Variants in EDDM13 observed in about 807,000 individuals in gnomAD.
EDDM13 encodes epididymal protein 13.
EDDM13 carries 24 observed loss-of-function variants against 17.8 expected under a neutral mutation model. The observed-to-expected ratio is 1.35, with a 90% CI of 0.98 to 1.90. The LOEUF is 1.90. Among genes scored for constraint, EDDM13 ranks in the 40% most tolerant of loss-of-function variants. The pLI, the probability that EDDM13 is intolerant of heterozygous loss-of-function variation, is 0.00. For missense variants in EDDM13, 97 were observed against 100.8 expected (o/e 0.96, Z 0.16); for synonymous variants, 31 against 37.5 (o/e 0.83, Z 0.63).
intron 13 of EDDM13, 63 bp downstream of exon 13, chr19:56,302,158 G>A: frequency 6.8e-6 from 8 of 1,181,178 alleles, no homozygotes; most frequent in South Asian, 4.3e-5. Flanking sequence ...GAGGGAAGTG[G>A]GGGCACAGAG....
chr19:56,297,108 A>T (rs531736879), intron 11 of EDDM13, among the ~76,000 whole-genome samples: 1 of 152,068 alleles, frequency 6.6e-6, no homozygotes, highest in African/African-American at 2.4e-5. Flanking sequence ...AGGGAACATG[A>T]CATGTGAGCA....
At chr19:56,297,000 C>T (rs2039917659) in intron 11 of EDDM13, among the ~76,000 whole-genome samples, 1 of 151,830 alleles carries the variant, frequency 6.6e-6, no homozygotes, top group Non-Finnish European at 1.5e-5. Flanking sequence ...ACCTGGGAAG[C>T]AGTGGTTGCA....
chr19:56,301,680 C>G (rs988278836), intron 12 of EDDM13, among the ~76,000 whole-genome samples: 1 of 152,122 alleles, frequency 6.6e-6, no homozygotes, highest in Non-Finnish European at 1.5e-5. Context: ...CTGGTTCAAA[C>G]CCCTCTGACA....
chr19:56,309,632 A>C (rs1316083837), intron 14 of EDDM13, among the ~76,000 whole-genome samples: 1 of 152,204 alleles, frequency 6.6e-6, no homozygotes, highest in African/African-American at 2.4e-5. Context: ...ACCCAGAAGC[A>C]AACCTTAAGG....
At chr19:56,293,357 G>A (rs558050703) in intron 9 of EDDM13, among the ~76,000 whole-genome samples, 1 of 152,062 alleles carries the variant, frequency 6.6e-6, no homozygotes, top group African/African-American at 2.4e-5. Flanking sequence ...GATCCCAAAC[G>A]GTGCTATTAA....
chr19:56,294,667 T>C (rs1418717357), intron 9 of EDDM13, among the ~76,000 whole-genome samples: 1 of 152,092 alleles, frequency 6.6e-6, no homozygotes, highest in Non-Finnish European at 1.5e-5. Flanking sequence ...ACAAAAGCAG[T>C]AGACAACACA....
At chr19:56,289,400 G>A (rs2039362387) in intron 8 of EDDM13, among the ~76,000 whole-genome samples, 1 of 152,162 alleles carries the variant, frequency 6.6e-6, no homozygotes, top group Non-Finnish European at 1.5e-5. Flanking sequence ...GAGGGGAGGG[G>A]AAATTTCAAG....
intron 6 of EDDM13, among the ~76,000 whole-genome samples, chr19:56,287,982 C>T (rs966964010): frequency 2.6e-5 from 4 of 152,194 alleles, no homozygotes; most frequent in Non-Finnish European, 5.9e-5. Flanking sequence ...TCTGGGCAGA[C>T]CAGGAGCGTG....
chr19:56,282,329 G>C (rs2038775899), intron 3 of EDDM13, among the ~76,000 whole-genome samples, 162 bp from the exon 4 acceptor site: 4 of 152,172 alleles, frequency 2.6e-5, no homozygotes, highest in Admixed American at 6.5e-5. Flanking sequence ...ATGAATTGCA[G>C]CTCCCCATTC....
In EDDM13 at chr19:56,284,207, G is replaced by C. The variant is rs773946102; in HGVS notation, c.127+1G>C. The C allele has an allele frequency of 4.5e-5, 44 of 980,968 alleles. No individual in the cohort carries two copies. Among genetic ancestry groups the C allele is most frequent in the Non-Finnish European group, 5.1e-5 (42 of 829,734 alleles). The allele number at this position is 980,968 out of a possible 1,614,324, so 60.8% of individuals were successfully genotyped here. A position where few individuals can be genotyped will look rare whatever the true frequency, so the allele number is the denominator to read the frequency against. On this transcript the variant is annotated splice_donor_variant, in intron 5 of 14. Coordinates refer to ENST00000649256, the MANE Select transcript of EDDM13 (RefSeq NM_001354658.2). LOFTEE classifies it high-confidence loss of function. ...GATGGGCTGCCATCAGGGATCATAG[G>C]TAAGTACCTTGCCACTTCACAATGC...
chr19:56,302,622 C>CT (rs1339841450), intron 13 of EDDM13, among the ~76,000 whole-genome samples: 3 of 126,762 alleles, frequency 2.4e-5, no homozygotes, highest in Admixed American at 8.1e-5. Flanking sequence ...CCTCTTCCTC[C>CT]CTCCCTCCTC....
chr19:56,283,969 C>A (rs1419132867), intron 4 of EDDM13: 1 of 153,190 alleles, frequency 6.5e-6, no homozygotes, highest in African/African-American at 2.4e-5. Context: ...ATCAAATGCA[C>A]GAGGGTCCTC....
chr19:56,293,675 T>C (rs965725347), intron 9 of EDDM13, among the ~76,000 whole-genome samples: 3 of 152,186 alleles, frequency 2.0e-5, no homozygotes, highest in Admixed American at 6.5e-5. Context: ...ATCATGCACT[T>C]GGCAGGATGA....
chr19:56,274,650 A>G (rs1386628230), intron 1 of EDDM13: 3 of 152,176 alleles, frequency 2.0e-5, no homozygotes, highest in Admixed American at 2.0e-4. Flanking sequence ...ACCAGAACAA[A>G]ACTATTAAAG....
In EDDM13 at chr19:56,295,967, G is replaced by A. The variant is rs2039846156; in HGVS notation, c.241G>A (p.Gly81Ser). Residue 81 changes from glycine (G) to serine (S), a missense_variant and splice_region_variant, in exon 10 of 15, where the codon GGC (glycine) becomes AGC (serine). Coordinates refer to ENST00000649256, the MANE Select transcript of EDDM13 (RefSeq NM_001354658.2). Reference protein sequence around the residue: ...RTEEEIKKILGLLSLQVLHEE... With the variant: ...RTEEEIKKILSLLSLQVLHEE... ...TGGATGGACATCATCAGAGATCCTA[G>A]GTGACACCTCACTCCATGCCTGCCC... is the stretch of plus-strand genomic sequence containing the variant. 2 of 152,722 alleles carry A rather than the reference G, an allele frequency of 1.3e-5. No homozygotes were observed. Among genetic ancestry groups the A allele is most frequent in the Admixed American group, 1.3e-4 (2 of 15,286 alleles). 9.5% of individuals were successfully genotyped at this position (152,722 alleles called of 1,614,324 possible).
intron 1 of EDDM13, among the ~76,000 whole-genome samples, chr19:56,273,526 C>T (rs190015255): frequency 2.4e-3 from 360 of 152,172 alleles, no homozygotes; most frequent in Admixed American, 4.9e-3. Flanking sequence ...TGTGGGGATT[C>T]GGAGATGGCC....
At chr19:56,303,403 G>C (rs563005370) in intron 13 of EDDM13, among the ~76,000 whole-genome samples, 151 of 151,946 alleles carry the variant, frequency 9.9e-4, no homozygotes, top group African/African-American at 3.5e-3. Context: ...ACTTGAACCT[G>C]GGAAGCAGAG....
At chr19:56,278,593 TAGAG>T (rs2147034189) in intron 2 of EDDM13, among the ~76,000 whole-genome samples, 1 of 152,324 alleles carries the variant, frequency 6.6e-6, no homozygotes, top group East Asian at 1.9e-4. Flanking sequence ...AAGATATTGA[TAGAG>T]ATATTTGAGA....
At chr19:56,298,523 G>C (rs1231446273) in intron 12 of EDDM13, among the ~76,000 whole-genome samples, 3 of 151,058 alleles carry the variant, frequency 2.0e-5, no homozygotes, top group Non-Finnish European at 4.4e-5. Context: ...CGTGGTGGCG[G>C]GTGCCTGTAG....
Sources: allele counts gnomAD v4.1 joint callset (sites outside exome capture counted in the v4.1 genomes callset), GRCh38; gene constraint gnomAD v4.1.1; transcripts MANE v1.5; gene names NCBI Gene and HGNC (gene_info 2026-07-23, HGNC 2026-07-21).